Variants in ACAP2 observed in about 807,000 individuals in gnomAD.
The protein encoded by ACAP2 is arf-GAP with coiled-coil, ANK repeat and PH domain-containing protein 2.
A neutral mutation model predicts 115.8 loss-of-function variants in ACAP2; 39 were observed. That is an observed-to-expected ratio of 0.34 (90% CI 0.26 to 0.44). The LOEUF (loss-of-function observed/expected upper bound fraction) is 0.44, where lower values mean the gene tolerates loss of function less well. Among genes scored for constraint, ACAP2 ranks in the 20% least tolerant of loss-of-function variants. ACAP2 has a pLI of 1.00. For missense variants in ACAP2, 662 were observed against 927.6 expected (o/e 0.71, Z 3.72); for synonymous variants, 289 against 315.8 (o/e 0.92, Z 0.90).
At chr3:195,361,446 AG>A (rs60976085) in intron 4 of ACAP2, among the ~76,000 whole-genome samples, 34,935 of 146,146 alleles carry the variant, frequency 0.24, 4,408 homozygotes, top group East Asian at 0.68. Flanking sequence ...AAAAAAAAAA[AG>A]AAAAGAAACT....
chr3:195,329,079 CAAA>C (rs57471736), intron 8 of ACAP2, among the ~76,000 whole-genome samples: 4 of 93,820 alleles, frequency 4.3e-5, no homozygotes, highest in Non-Finnish European at 6.7e-5. Context: ...GACTCCGTCT[CAAA>C]AAAAAAAAAA....
At chr3:195,402,193 A>T (rs2108793766) in intron 1 of ACAP2, among the ~76,000 whole-genome samples, 1 of 152,284 alleles carries the variant, frequency 6.6e-6, no homozygotes, top group South Asian at 2.1e-4. Context: ...TACCAGGTAA[A>T]CATTTGTTGA....
chr3:195,302,443 C>CAGAG (rs113005881), intron 13 of ACAP2, among the ~76,000 whole-genome samples: 1,999 of 152,144 alleles, frequency 0.013, 30 homozygotes, highest in African/African-American at 0.043. Context: ...AAGATGAAGA[C>CAGAG]AGAAAGGGAA....
intron 1 of ACAP2, among the ~76,000 whole-genome samples, chr3:195,400,193 C>CA (rs1470199799): frequency 6.7e-6 from 1 of 149,532 alleles, no homozygotes. Context: ...AAAAAAACAA[C>CA]AAAAAAATAC....
At chr3:195,394,620 A>G (rs2108777404) in intron 1 of ACAP2, among the ~76,000 whole-genome samples, 1 of 152,378 alleles carries the variant, frequency 6.6e-6, no homozygotes, top group Non-Finnish European at 1.5e-5. Context: ...GTTCTAGACC[A>G]GCCTGGCCAA....
chr3:195,408,824 C>T (rs939772975), intron 1 of ACAP2, among the ~76,000 whole-genome samples: 8 of 152,080 alleles, frequency 5.3e-5, no homozygotes, highest in African/African-American at 1.7e-4. Flanking sequence ...TACTATACCA[C>T]ATCAACAGAA....
At chr3:195,374,115 C>T (rs1178367069) in intron 4 of ACAP2, among the ~76,000 whole-genome samples, 1 of 151,826 alleles carries the variant, frequency 6.6e-6, no homozygotes, top group Non-Finnish European at 1.5e-5. Context: ...AAAATCCATC[C>T]AGGTCAGGCA....
intron 4 of ACAP2, chr3:195,357,651 C>T (rs529698983): frequency 6.6e-6 from 1 of 152,202 alleles, no homozygotes; most frequent in African/African-American, 2.4e-5. Flanking sequence ...AGACTGCACT[C>T]ATTTTGGAGA....
At chr3:195,308,940 AT>A in intron 10 of ACAP2, 103 bp from the exon 11 acceptor site, 2 of 1,163,554 alleles carry the variant, frequency 1.7e-6, no homozygotes, top group Non-Finnish European at 2.5e-6. Context: ...CATTGTGTTA[AT>A]TATGTTTTGA....
intron 6 of ACAP2, among the ~76,000 whole-genome samples, 158 bp from the exon 7 acceptor site, chr3:195,337,134 A>T (rs2108637620): frequency 6.6e-6 from 1 of 152,362 alleles, no homozygotes; most frequent in South Asian, 2.1e-4. Flanking sequence ...CTTTTGCAAA[A>T]CACAGTTAAG....
chr3:195,282,023 G>A (rs576728669), intron 22 of ACAP2: 2 of 152,156 alleles, frequency 1.3e-5, no homozygotes, highest in South Asian at 4.1e-4. Flanking sequence ...CATTCAAGAA[G>A]AAATAGGAAG....
chr3:195,344,680 C>T (rs1731086587), intron 5 of ACAP2, among the ~76,000 whole-genome samples: 1 of 152,156 alleles, frequency 6.6e-6, no homozygotes, highest in Non-Finnish European at 1.5e-5. Context: ...ACCACCCCGC[C>T]CCGCTAATTT....
intron 7 of ACAP2, among the ~76,000 whole-genome samples, chr3:195,335,074 C>T (rs867550121): frequency 9.9e-5 from 15 of 152,106 alleles, no homozygotes; most frequent in Middle Eastern, 6.8e-3. Flanking sequence ...GATTTAAAGG[C>T]AATGAAAATA....
chr3:195,422,328 T>C (rs1425486029), intron 1 of ACAP2, among the ~76,000 whole-genome samples: 3 of 151,622 alleles, frequency 2.0e-5, no homozygotes, highest in Non-Finnish European at 2.9e-5. Flanking sequence ...TCACACATAA[T>C]AATAACAAAA....
At chr3:195,293,758 TG>T (rs1399723720) in intron 18 of ACAP2, among the ~76,000 whole-genome samples, 1 of 151,544 alleles carries the variant, frequency 6.6e-6, no homozygotes, top group African/African-American at 2.4e-5. Context: ...GAGAACTGCG[TG>T]AACAGAAGGT....
chr3:195,407,107 A>G (rs1262524208), intron 1 of ACAP2, among the ~76,000 whole-genome samples: 1 of 152,092 alleles, frequency 6.6e-6, no homozygotes, highest in Non-Finnish European at 1.5e-5. Flanking sequence ...AAATATCTGT[A>G]CATGCAATAT....
intron 1 of ACAP2, among the ~76,000 whole-genome samples, chr3:195,407,442 C>T (rs1465357209): frequency 1.3e-5 from 2 of 152,154 alleles, no homozygotes; most frequent in African/African-American, 4.8e-5. Context: ...CACAGTGGCT[C>T]ACACCTGTAG....
intron 1 of ACAP2, among the ~76,000 whole-genome samples, chr3:195,430,784 T>C (rs1248561203): frequency 2.0e-5 from 3 of 152,126 alleles, no homozygotes; most frequent in African/African-American, 7.2e-5. Flanking sequence ...CATTGATAAC[T>C]GTTAAGTCAA....
intron 5 of ACAP2, among the ~76,000 whole-genome samples, chr3:195,343,946 G>A (rs1207371033): frequency 6.6e-6 from 1 of 152,218 alleles, no homozygotes; most frequent in Non-Finnish European, 1.5e-5. Context: ...TTGGTTGGGT[G>A]CCTGTAATCC....
Sources: allele counts gnomAD v4.1 joint callset (sites outside exome capture counted in the v4.1 genomes callset), GRCh38; gene constraint gnomAD v4.1.1; transcripts MANE v1.5; gene names NCBI Gene and HGNC (gene_info 2026-07-23, HGNC 2026-07-21).